The following DYNC1H1 variants were observed in gnomAD, a reference collection of about 807,000 sequenced individuals.
The protein encoded by DYNC1H1 is cytoplasmic dynein 1 heavy chain 1.
A neutral mutation model predicts 527.1 loss-of-function variants in DYNC1H1; 51 were observed. The ratio of observed to expected loss-of-function variants is 0.10; its 90% CI spans 0.08 to 0.12. DYNC1H1 has a LOEUF of 0.12. Ranked by LOEUF, DYNC1H1 falls within the 10% of genes least tolerant of loss-of-function variation. DYNC1H1 has a pLI of 1.00. For missense variants in DYNC1H1, 2,771 were observed against 5,971.8 expected (o/e 0.46, Z 17.66); for synonymous variants, 2,189 against 2,278.8 (o/e 0.96, Z 1.12).
chr14:102,004,737 T>C, intron 24 of DYNC1H1, 25 bp from the exon 25 acceptor site: 1 of 1,614,184 alleles, frequency 6.2e-7, no homozygotes. Flanking sequence ...GCATACCTCA[T>C]TTCTTAAAAT....
At chr14:102,013,212 G>A (rs1407781796) in intron 34 of DYNC1H1, among the ~76,000 whole-genome samples, 1 of 127,398 alleles carries the variant, frequency 7.8e-6, no homozygotes, top group Non-Finnish European at 1.5e-5. Flanking sequence ...TCGCGCCACT[G>A]CACTGCAGCC....
chr14:102,027,924 G>T lies in DYNC1H1; in HGVS notation c.9264-13G>T, dbSNP rs372927770. 3 of 1,614,058 alleles carry T rather than the reference G, an allele frequency of 1.9e-6. No individual in the cohort carries two copies. The highest frequency in any genetic ancestry group is 2.2e-5 in the South Asian group (2 of 91,084). On this transcript the variant is annotated splice_polypyrimidine_tract_variant and intron_variant, in intron 47 of 77. Transcript: ENST00000360184. This position sits in a 1 kb window ranked among gnomAD's most constrained non-coding sequence, Gnocchi z 7.7. Reference sequence around the variant, plus strand: ...CCCTCATAGCTGTCCTGAAACATGGGCCTCTTTCTCAGGTGTGTGTTGAAT... The same window carrying T: ...CCCTCATAGCTGTCCTGAAACATGGTCCTCTTTCTCAGGTGTGTGTTGAAT...
Position 102,033,753 on chromosome 14 carries a change from G to T in DYNC1H1, c.10414-223G>T. ...GACCTGTTTGCTCTGCTGCCTGAGG[G>T]CCTCGCTCCGTACCCAGCTTCTGCC... is the stretch of plus-strand genomic sequence containing the variant. On this transcript the variant is annotated intron_variant, in intron 54 of 77. Coordinates refer to ENST00000360184, the MANE Select transcript of DYNC1H1 (RefSeq NM_001376.5). The surrounding 1 kb of genome is among the most constrained non-coding windows in gnomAD (Gnocchi z 5.6). The T allele has an allele frequency of 1.5e-6, 1 of 680,832 alleles. No homozygotes were observed. The highest frequency in any genetic ancestry group is 1.8e-5 in the South Asian group (1 of 54,960). The allele number at this position is 680,832 out of a possible 1,614,324, so 42.2% of individuals were successfully genotyped here. A position where few individuals can be genotyped will look rare whatever the true frequency, so the allele number is the denominator to read the frequency against.
chr14:102,015,033 G>T lies in DYNC1H1; in HGVS notation c.7015-72G>T. 1.3e-6 allele frequency: 2 copies of T among 1,560,298 alleles called. No homozygotes were observed. The highest frequency in any genetic ancestry group is 8.8e-7 in the Non-Finnish European group (1 of 1,133,060). On this transcript the variant is annotated intron_variant, in intron 34 of 77. Coordinates refer to ENST00000360184, the MANE Select transcript of DYNC1H1 (RefSeq NM_001376.5). The surrounding 1 kb of genome is among the most constrained non-coding windows in gnomAD (Gnocchi z 6.9). Reference sequence around the variant, plus strand: ...AAGTCACCCTTTCAGTGTATATATAGGTAAAAGAATCTTAATGTCCAGGTT... The same window carrying T: ...AAGTCACCCTTTCAGTGTATATATATGTAAAAGAATCTTAATGTCCAGGTT...
In DYNC1H1 at chr14:102,009,832, C is replaced by CTCA; in HGVS notation, c.5978-9_5978-7dup. 1 of 1,613,746 alleles carries CTCA rather than the reference C, an allele frequency of 6.2e-7. No individual in the cohort carries two copies. The highest frequency in any genetic ancestry group is 8.5e-7 in the Non-Finnish European group (1 of 1,179,916). ...ACATTTCTAGTCTTAACGCTATCAT[C>CTCA]TCATTCTCAGCCTCTGCCCCCATTA... On this transcript the variant is annotated splice_polypyrimidine_tract_variant and intron_variant, in intron 29 of 77. Coordinates refer to ENST00000360184, the MANE Select transcript of DYNC1H1 (RefSeq NM_001376.5).
At chr14:101,996,909 C>G in intron 15 of DYNC1H1, 126 bp from the exon 16 acceptor site, 1 of 1,366,734 alleles carries the variant, frequency 7.3e-7, no homozygotes, top group Non-Finnish European at 1.0e-6. Context: ...AGGCAAGAAC[C>G]ACTGTGTCTG....
chr14:102,040,843 C>T, intron 64 of DYNC1H1, 170 bp downstream of exon 64: 1 of 768,354 alleles, frequency 1.3e-6, no homozygotes, highest in Non-Finnish European at 2.2e-6. Context: ...CCTGTAGTCC[C>T]ATCTACTCGG....
chr14:102,039,925 C>T lies in DYNC1H1; in HGVS notation c.11690+193C>T, dbSNP rs1475922596. On this transcript the variant is annotated intron_variant, in intron 62 of 77. Coordinates refer to ENST00000360184, the MANE Select transcript of DYNC1H1 (RefSeq NM_001376.5). The surrounding 1 kb of genome is among the most constrained non-coding windows in gnomAD (Gnocchi z 7.0). Reference sequence around the variant, plus strand: ...TAATCTCACCTCACTGCAACCTCCACCTCCCAGGTTCAAGCAATTCTCCTG... The same window carrying T: ...TAATCTCACCTCACTGCAACCTCCATCTCCCAGGTTCAAGCAATTCTCCTG... Among the ~76,000 whole-genome samples the T allele has an allele frequency of 1.3e-5, 2 of 152,164 alleles. No individual in the cohort carries two copies. The highest frequency in any genetic ancestry group is 4.8e-5 in the African/African-American group (2 of 41,444).
In DYNC1H1 at chr14:102,033,316, G is replaced by A. The variant is rs759058428; in HGVS notation, c.10245G>A (p.Glu3415=). ...MLKRVEPLRN[E]LQKLEDDAKD... is the part of the protein sequence containing the mutation. ...AGAGAGTGGAGCCCCTACGCAATGAGCTGCAGAAGCTGGAAGATGACGCCA... is the reference window on the plus strand; with the variant it reads ...AGAGAGTGGAGCCCCTACGCAATGAACTGCAGAAGCTGGAAGATGACGCCA... Residue 3415 remains glutamate, a synonymous_variant, in exon 54 of 78, where the codon GAG becomes GAA. Coordinates refer to ENST00000360184, the MANE Select transcript of DYNC1H1 (RefSeq NM_001376.5). This position sits in a 1 kb window ranked among gnomAD's most constrained non-coding sequence, Gnocchi z 5.6. 6.2e-7 allele frequency: 1 copy of A among 1,614,096 alleles called. No homozygotes were observed. Among genetic ancestry groups the A allele is most frequent in the Non-Finnish European group, 8.5e-7 (1 of 1,180,040 alleles).
intron 1 of DYNC1H1, among the ~76,000 whole-genome samples, chr14:101,970,725 C>T (rs1276132383): frequency 3.3e-5 from 5 of 151,974 alleles, no homozygotes; most frequent in Admixed American, 6.6e-5. Context: ...TCAGGTGATC[C>T]GCCCGCCTCA....
Position 101,980,426 on chromosome 14 carries a change from A to G in DYNC1H1, c.837A>G (p.Leu279=), listed in dbSNP as rs769853678. The G allele has an allele frequency of 1.9e-6, 3 of 1,614,252 alleles. No homozygotes were observed. The highest frequency in any genetic ancestry group is 2.5e-6 in the Non-Finnish European group (3 of 1,180,048). Residue 279 remains leucine, a synonymous_variant, in exon 5 of 78, where the codon CTA becomes CTG. Transcript: ENST00000360184. ...CCTTACAGGAAATTAGTTTTTGGCT[A>G]AACTTGGAACGTGCGTTATACCGCA... is the stretch of plus-strand genomic sequence containing the variant. ...GTALQEISFW[L]NLERALYRIQ...
At position 101,966,017 on chromosome 14, in the gene DYNC1H1, G is replaced by A. The variant is rs17511879; in HGVS notation, c.256+1070G>A. Among the ~76,000 whole-genome samples, 832 of 152,216 alleles carry A rather than the reference G, an allele frequency of 5.5e-3. 17 individuals carry two copies. Among genetic ancestry groups the A allele is most frequent in the East Asian group, 0.036 (187 of 5,152 alleles). Reference sequence around the variant, plus strand: ...CCATTACAACCACTTTGGGTGTGGCGTGTCCATCTAAGAACCTAAGGATGA... The same window carrying A: ...CCATTACAACCACTTTGGGTGTGGCATGTCCATCTAAGAACCTAAGGATGA... On this transcript the variant is annotated intron_variant, in intron 1 of 77. Coordinates refer to ENST00000360184, the MANE Select transcript of DYNC1H1 (RefSeq NM_001376.5).
intron 23 of DYNC1H1, among the ~76,000 whole-genome samples, chr14:102,003,968 G>A (rs954214215): frequency 9.2e-5 from 14 of 151,516 alleles, no homozygotes; most frequent in Admixed American, 9.2e-4. Context: ...CTGGCCCGGC[G>A]CGGTGGCTCA....
intron 10 of DYNC1H1, among the ~76,000 whole-genome samples, chr14:101,989,451 G>C (rs1009844078): frequency 6.6e-6 from 1 of 152,238 alleles, no homozygotes; most frequent in Non-Finnish European, 1.5e-5. Flanking sequence ...AGCTTAGCAA[G>C]CTTTCTAAAC....
Position 101,979,035 on chromosome 14 carries a change from G to A in DYNC1H1, c.345-284G>A, listed in dbSNP as rs2047833300. 6.6e-6 allele frequency among the ~76,000 whole-genome samples: 1 copy of A among 152,232 alleles called. No individual in the cohort carries two copies. The highest frequency in any genetic ancestry group is 1.9e-4 in the East Asian group (1 of 5,206). On this transcript the variant is annotated intron_variant, in intron 2 of 77. Coordinates refer to ENST00000360184, the MANE Select transcript of DYNC1H1 (RefSeq NM_001376.5). The surrounding 1 kb of genome is among the most constrained non-coding windows in gnomAD (Gnocchi z 4.6). ...AAATAAATGTTACACATTAGTGTAA[G>A]ATCAGATTTAAGTACTACTTATATT...
At chr14:101,977,592 A>T (rs2047816223) in intron 2 of DYNC1H1, among the ~76,000 whole-genome samples, 1 of 152,198 alleles carries the variant, frequency 6.6e-6, no homozygotes, top group Non-Finnish European at 1.5e-5. Context: ...AAATTGTCTC[A>T]ATGATGTCCC....
In DYNC1H1 at chr14:102,018,701, C is replaced by T; in HGVS notation, c.8343+85C>T. The T allele has an allele frequency of 6.5e-7, 1 of 1,548,394 alleles. No individual in the cohort carries two copies. Among genetic ancestry groups the T allele is most frequent in the South Asian group, 1.2e-5 (1 of 86,454 alleles). On this transcript the variant is annotated intron_variant, in intron 41 of 77. Transcript: ENST00000360184. This position sits in a 1 kb window ranked among gnomAD's most constrained non-coding sequence, Gnocchi z 5.2. Reference sequence around the variant, plus strand: ...ATTGGTCAGGTGTGGTGGTTCACACCTGTAATCCCAGCATTTTGGGAGGCC... The same window carrying T: ...ATTGGTCAGGTGTGGTGGTTCACACTTGTAATCCCAGCATTTTGGGAGGCC...
chr14:102,051,708 G>A lies in DYNC1H1; in HGVS notation c.*1145G>A, dbSNP rs1225667597. Reference sequence around the variant, plus strand: ...CTCAGTGTCTTTATTTTATTTTTGAGATGGAGTTTCGCTCTTGTTGCCCAG... The same window carrying A: ...CTCAGTGTCTTTATTTTATTTTTGAAATGGAGTTTCGCTCTTGTTGCCCAG... On this transcript the variant is annotated 3_prime_UTR_variant, in exon 78 of 78. Transcript: ENST00000360184. 1.3e-5 allele frequency: 2 copies of A among 152,704 alleles called. No individual in the cohort carries two copies. Among genetic ancestry groups the A allele is most frequent in the Non-Finnish European group, 2.9e-5 (2 of 68,478 alleles). 9.5% of individuals were successfully genotyped at this position (152,704 alleles called of 1,614,324 possible). A position where few individuals can be genotyped will look rare whatever the true frequency, so the allele number is the denominator to read the frequency against.
intron 7 of DYNC1H1, among the ~76,000 whole-genome samples, chr14:101,984,839 AG>A (rs2047914528): frequency 6.8e-6 from 1 of 146,646 alleles, no homozygotes; most frequent in Admixed American, 6.9e-5. Flanking sequence ...AGGCTGAGGC[AG>A]GAGAATGGCG....
Sources: allele counts gnomAD v4.1 joint callset (sites outside exome capture counted in the v4.1 genomes callset), GRCh38; gene constraint gnomAD v4.1.1; non-coding constraint Gnocchi (gnomAD v3.1); transcripts MANE v1.5; gene names NCBI Gene and HGNC (gene_info 2026-07-23, HGNC 2026-07-21).